The following RTL4 variants were observed in gnomAD, a reference collection of about 807,000 sequenced individuals.
RTL4 encodes the protein retrotransposon Gag-like protein 4.
In RTL4, 4 loss-of-function variants were observed where a neutral mutation model predicts 5.3. The observed-to-expected ratio is 0.75, with a 90% CI of 0.37 to 1.72. The LOEUF (loss-of-function observed/expected upper bound fraction) is 1.72. Among genes scored for constraint, RTL4 ranks in the 40% most tolerant of loss-of-function variants. The pLI is 0.04. For missense variants in RTL4, 260 were observed against 227.1 expected, an observed-to-expected ratio of 1.14 and a Z score of -0.93; for synonymous variants, 98 against 87.3, an observed-to-expected ratio of 1.12 and a Z score of -0.68.
chrX:112,294,006 C>T, the RTL4 span, among the ~76,000 whole-genome samples: 2 of 111,891 alleles, frequency 1.8e-5, no homozygotes, highest in Non-Finnish European at 3.8e-5. Context: ...TTTAAATAAG[C>T]TGTTCTTTAT....
chrX:112,239,042 G>A, the RTL4 span, among the ~76,000 whole-genome samples: 1 of 111,677 alleles, frequency 9.0e-6, no homozygotes, highest in Admixed American at 9.5e-5. Flanking sequence ...AGTGAAAGCA[G>A]GTGGTCATAC....
the RTL4 span, among the ~76,000 whole-genome samples, chrX:112,095,895 T>C: frequency 8.9e-6 from 1 of 111,813 alleles, no homozygotes; most frequent in Admixed American, 9.5e-5. Context: ...ATTTGGTGTG[T>C]AGAGGAAGTT....
chrX:112,230,421 G>A, the RTL4 span, among the ~76,000 whole-genome samples: 17 of 112,156 alleles, frequency 1.5e-4, no homozygotes, highest in South Asian at 7.5e-4. Context: ...TCCAGGTGCC[G>A]TCTGTCACCC....
chrX:112,118,480 G>A, the RTL4 span, among the ~76,000 whole-genome samples: 2 of 112,204 alleles, frequency 1.8e-5, no homozygotes, highest in Non-Finnish European at 3.8e-5. Context: ...ATCCAAAAGA[G>A]AGTAGGGACA....
chrX:112,344,337 A>T, the RTL4 span, among the ~76,000 whole-genome samples: 1 of 112,201 alleles, frequency 8.9e-6, no homozygotes, highest in Non-Finnish European at 1.9e-5. Context: ...ATAAAGAAGT[A>T]CCTGAAACTG....
At chrX:112,431,408 A>G in the RTL4 span, among the ~76,000 whole-genome samples, 1 of 111,953 alleles carries the variant, frequency 8.9e-6, no homozygotes, top group East Asian at 2.8e-4. Context: ...TCCTGGTAAT[A>G]AAACTTACAA....
the RTL4 span, among the ~76,000 whole-genome samples, chrX:112,206,436 A>G: frequency 9.0e-6 from 1 of 111,150 alleles, no homozygotes; most frequent in African/African-American, 3.3e-5. Flanking sequence ...ATCTTACTCT[A>G]TCTGTCAGAA....
the RTL4 span, among the ~76,000 whole-genome samples, chrX:112,213,830 C>A: frequency 2.8e-5 from 3 of 108,918 alleles, no homozygotes; most frequent in Non-Finnish European, 5.7e-5. Context: ...ACCGTTTTAC[C>A]TTCTTTTTTT....
chrX:112,151,279 A>G, the RTL4 span, among the ~76,000 whole-genome samples: 1 of 111,788 alleles, frequency 8.9e-6, no homozygotes, highest in Non-Finnish European at 1.9e-5. Context: ...TTGTGCATAT[A>G]TTTAAGCCTC....
At chrX:112,391,185 A>G in the RTL4 span, among the ~76,000 whole-genome samples, 1 of 111,705 alleles carries the variant, frequency 9.0e-6, no homozygotes, top group Non-Finnish European at 1.9e-5. Flanking sequence ...TCTTTTTTAC[A>G]TTGGCTGTTT....
chrX:112,257,707 C>G, the RTL4 span, among the ~76,000 whole-genome samples: 1 of 109,594 alleles, frequency 9.1e-6, no homozygotes, highest in Non-Finnish European at 1.9e-5. Flanking sequence ...CTCCTAAACA[C>G]CTCACCTCTT....
the RTL4 span, among the ~76,000 whole-genome samples, chrX:112,395,169 G>A: frequency 8.9e-6 from 1 of 111,775 alleles, no homozygotes; most frequent in Non-Finnish European, 1.9e-5. Context: ...AAAAAATCTA[G>A]TGACAAAAGA....
the RTL4 span, among the ~76,000 whole-genome samples, chrX:112,207,563 A>T: frequency 9.1e-6 from 1 of 110,371 alleles, no homozygotes; most frequent in Non-Finnish European, 1.9e-5. Context: ...CTACTTGGAG[A>T]TTCCGTCCAT....
At chrX:112,444,685 G>A in the RTL4 span, among the ~76,000 whole-genome samples, 1 of 111,387 alleles carries the variant, frequency 9.0e-6, no homozygotes, top group Non-Finnish European at 1.9e-5. Flanking sequence ...TTTTTATTAT[G>A]GCTTTGATTT....
At chrX:112,362,558 A>T in the RTL4 span, among the ~76,000 whole-genome samples, 2 of 110,813 alleles carry the variant, frequency 1.8e-5, no homozygotes, top group South Asian at 7.6e-4. Context: ...AGTATGAATA[A>T]GCTTATGGTG....
chrX:112,405,738 CAA>C, the RTL4 span, among the ~76,000 whole-genome samples: 2 of 108,845 alleles, frequency 1.8e-5, no homozygotes, highest in Non-Finnish European at 3.8e-5. Context: ...GCTATCTACA[CAA>C]AAAAAGCACC....
At chrX:112,422,819 C>A in the RTL4 span, among the ~76,000 whole-genome samples, 1 of 110,248 alleles carries the variant, frequency 9.1e-6, no homozygotes, top group Non-Finnish European at 1.9e-5. Flanking sequence ...TTAAGATGGA[C>A]CTGGCTTCTA....
At chrX:112,266,537 T>C in the RTL4 span, among the ~76,000 whole-genome samples, 5 of 111,373 alleles carry the variant, frequency 4.5e-5, no homozygotes, top group African/African-American at 1.3e-4. Context: ...ATAGGATATT[T>C]CTTGCCAGAG....
chrX:112,092,646 G>T, the RTL4 span, among the ~76,000 whole-genome samples: 1 of 111,533 alleles, frequency 9.0e-6, no homozygotes, highest in African/African-American at 3.3e-5. Context: ...GCTCCCATAA[G>T]TCCCACGTGT....
Sources: allele counts gnomAD v4.1 joint callset (sites outside exome capture counted in the v4.1 genomes callset), GRCh38; gene constraint gnomAD v4.1.1; transcripts MANE v1.5; gene names NCBI Gene and HGNC (gene_info 2026-07-23, HGNC 2026-07-21).